Variants in CNOT4 observed in about 807,000 individuals in gnomAD.
CNOT4 encodes the protein CCR4-associated factor 4.
A neutral mutation model predicts 73.8 loss-of-function variants in CNOT4; 8 were observed. The ratio of observed to expected loss-of-function variants is 0.11; its 90% CI spans 0.06 to 0.20. The LOEUF is 0.20. CNOT4 is among the 10% of genes least tolerant of loss of function. The pLI is 1.00. For missense variants in CNOT4, 564 were observed against 883.4 expected (o/e 0.64, Z 4.58); for synonymous variants, 293 against 321.1 (o/e 0.91, Z 0.94).
At chr7:135,464,847 T>G (rs907891888) in intron 1 of CNOT4, among the ~76,000 whole-genome samples, 5 of 152,214 alleles carry the variant, frequency 3.3e-5, no homozygotes, top group African/African-American at 1.2e-4. Context: ...GCCCAATGTT[T>G]TGATATTTAC....
intron 8 of CNOT4, among the ~76,000 whole-genome samples, chr7:135,397,458 T>C (rs2129483517): frequency 6.6e-6 from 1 of 152,272 alleles, no homozygotes; most frequent in African/African-American, 2.4e-5. Context: ...AATGTGTCAT[T>C]AAAACGTTTA....
intron 10 of CNOT4, among the ~76,000 whole-genome samples, chr7:135,367,127 C>T (rs1794959614): frequency 6.6e-6 from 1 of 152,130 alleles, no homozygotes. Context: ...CCAGTTTTGA[C>T]AGCCAAAATT....
At chr7:135,416,741 T>G (rs1249709301) in intron 3 of CNOT4, among the ~76,000 whole-genome samples, 1 of 152,152 alleles carries the variant, frequency 6.6e-6, no homozygotes, top group Non-Finnish European at 1.5e-5. Flanking sequence ...TAGTTCTCAA[T>G]GAGGGAAGCA....
At chr7:135,406,152 C>A (rs1319063211) in intron 7 of CNOT4, among the ~76,000 whole-genome samples, 2 of 152,070 alleles carry the variant, frequency 1.3e-5, no homozygotes, top group Non-Finnish European at 2.9e-5. Flanking sequence ...TATGCCTACC[C>A]TGGGTGATGG....
At chr7:135,417,197 C>T (rs1327065625) in intron 3 of CNOT4, among the ~76,000 whole-genome samples, 1 of 152,014 alleles carries the variant, frequency 6.6e-6, no homozygotes, top group Non-Finnish European at 1.5e-5. Flanking sequence ...TAAAGAAATT[C>T]TTCAATGATC....
intron 2 of CNOT4, among the ~76,000 whole-genome samples, chr7:135,424,199 C>A (rs981286169): frequency 6.6e-6 from 1 of 152,032 alleles, no homozygotes; most frequent in Admixed American, 6.6e-5. Flanking sequence ...TAGTCATCCA[C>A]ATTTAAGTTT....
At chr7:135,488,290 T>C (rs1268314555) in intron 1 of CNOT4, among the ~76,000 whole-genome samples, 1 of 152,118 alleles carries the variant, frequency 6.6e-6, no homozygotes, top group Non-Finnish European at 1.5e-5. Context: ...GCCTCCTGAG[T>C]GGTACGACTG....
intron 1 of CNOT4, among the ~76,000 whole-genome samples, chr7:135,488,943 A>G (rs567901854): frequency 1.1e-4 from 16 of 152,276 alleles, no homozygotes; most frequent in African/African-American, 3.6e-4. Flanking sequence ...AAAAAAGGAA[A>G]AAGAAAACTC....
At chr7:135,462,896 C>A (rs765023729) in intron 1 of CNOT4, among the ~76,000 whole-genome samples, 1 of 152,176 alleles carries the variant, frequency 6.6e-6, no homozygotes. Flanking sequence ...AGTTAAGCAA[C>A]GGATTTTAAA....
chr7:135,380,466 G>C (rs557546992), intron 10 of CNOT4, among the ~76,000 whole-genome samples: 1 of 152,238 alleles, frequency 6.6e-6, no homozygotes, highest in African/African-American at 2.4e-5. Flanking sequence ...TTTTTCCCCT[G>C]CTAAAGTTAC....
intron 8 of CNOT4, among the ~76,000 whole-genome samples, chr7:135,397,878 A>G (rs2129483543): frequency 6.6e-6 from 1 of 152,258 alleles, no homozygotes; most frequent in African/African-American, 2.4e-5. Context: ...CTCAGAAGGC[A>G]TGCTAGCCTG....
At chr7:135,414,818 C>G (rs555434880) in intron 4 of CNOT4, among the ~76,000 whole-genome samples, 157 of 152,134 alleles carry the variant, frequency 1.0e-3, no homozygotes, top group South Asian at 4.2e-3. Flanking sequence ...ACTATTCTAT[C>G]TGATAACAGC....
chr7:135,433,555 G>A (rs962634102), intron 2 of CNOT4, among the ~76,000 whole-genome samples: 1 of 150,962 alleles, frequency 6.6e-6, no homozygotes, highest in Non-Finnish European at 1.5e-5. Context: ...ATGAGGCCTC[G>A]CCATGTTACC....
intron 1 of CNOT4, among the ~76,000 whole-genome samples, chr7:135,480,557 T>C (rs923017282): frequency 6.6e-6 from 1 of 151,914 alleles, no homozygotes; most frequent in African/African-American, 2.4e-5. Context: ...TCTGGAAATG[T>C]TGTATTTTTT....
chr7:135,442,452 A>T (rs1799536250), intron 1 of CNOT4, among the ~76,000 whole-genome samples: 1 of 152,010 alleles, frequency 6.6e-6, no homozygotes, highest in African/African-American at 2.4e-5. Flanking sequence ...CAAAAAAATT[A>T]GCCGAGCGTG....
intron 1 of CNOT4, among the ~76,000 whole-genome samples, chr7:135,489,968 T>C (rs1046530497): frequency 1.3e-5 from 2 of 152,312 alleles, no homozygotes; most frequent in South Asian, 4.1e-4. Flanking sequence ...GAGAAAAGAA[T>C]GTAAACAGAT....
chr7:135,389,963 C>T (rs1287208968), intron 10 of CNOT4, among the ~76,000 whole-genome samples: 5 of 152,048 alleles, frequency 3.3e-5, no homozygotes, highest in Non-Finnish European at 5.9e-5. Flanking sequence ...AGCAATGAGG[C>T]TCTGTAAAGC....
At chr7:135,419,309 T>C (rs1324819299) in intron 3 of CNOT4, among the ~76,000 whole-genome samples, 1 of 152,234 alleles carries the variant, frequency 6.6e-6, no homozygotes, top group Non-Finnish European at 1.5e-5. Flanking sequence ...CATCCAAAGA[T>C]AAGTAAATTA....
At position 135,367,215 on chromosome 7, in the gene CNOT4, T is replaced by C. The variant is rs559745627; in HGVS notation, c.1628-3149A>G. 7.2e-4 allele frequency among the ~76,000 whole-genome samples: 109 copies of C among 152,284 alleles called. 2 individuals carry two copies. In the South Asian group the frequency reaches 0.022, roughly 30 times the overall value. The stretch of plus-strand genomic sequence containing the variant: ...GAACCACTGACACAAAGGAAGTCGA[T>C]TCCTTTGCTTCCAGGGCTCTTATAT... On this transcript the variant is annotated intron_variant, in intron 10 of 11. Coordinates refer to ENST00000541284, the MANE Select transcript of CNOT4 (RefSeq NM_001190850.2).
Sources: allele counts gnomAD v4.1 joint callset (sites outside exome capture counted in the v4.1 genomes callset), GRCh38; gene constraint gnomAD v4.1.1; transcripts MANE v1.5; gene names NCBI Gene and HGNC (gene_info 2026-07-23, HGNC 2026-07-21).